Variants in ANKFN1 observed in about 807,000 individuals in gnomAD.
The protein encoded by ANKFN1 is ankyrin repeat and fibronectin type III domain containing 1, also known as ankyrin repeat and fibronectin type-III domain-containing protein 1.
In ANKFN1, 74 loss-of-function variants were observed where a neutral mutation model predicts 108.7. That is an observed-to-expected ratio of 0.68 (90% CI 0.56 to 0.83). The LOEUF (loss-of-function observed/expected upper bound fraction) is 0.83. ANKFN1 is among the 40% of genes least tolerant of loss of function. The pLI, the probability that ANKFN1 is intolerant of heterozygous loss-of-function variation, is 0.00. For synonymous variants in ANKFN1, 547 were observed against 516.2 expected (o/e 1.06, Z -0.81); for missense variants, 1,505 against 1,382.3 (o/e 1.09, Z -1.41).
At chr17:56,093,857 C>T (rs1471677043) in intron 4 of ANKFN1, among the ~76,000 whole-genome samples, 3 of 151,194 alleles carry the variant, frequency 2.0e-5, no homozygotes, top group Admixed American at 2.0e-4. Flanking sequence ...ATTGTGCGCC[C>T]CAACCATTAG....
rs188303880 is a variant in ANKFN1, at chr17:56,322,219, G to C, written c.54-4002G>C. Among the ~76,000 whole-genome samples, 5 of 152,112 alleles carry C rather than the reference G, an allele frequency of 3.3e-5. No homozygotes were observed. In the East Asian group the frequency reaches 9.7e-4, roughly 29 times the overall value. On this transcript the variant is annotated intron_variant, in intron 3 of 20. Transcript: ENST00000682825. ...GAATAAATTAATGTCATCATCATCCGCCATCATGTAGGCTAAAACTTTAAG... is the reference window on the plus strand; with the variant it reads ...GAATAAATTAATGTCATCATCATCCCCCATCATGTAGGCTAAAACTTTAAG...
At chr17:56,465,292 T>C (rs1281678264) in intron 14 of ANKFN1, among the ~76,000 whole-genome samples, 3 of 152,190 alleles carry the variant, frequency 2.0e-5, no homozygotes, top group African/African-American at 7.2e-5. Flanking sequence ...ATGTCAAAAA[T>C]TATTTATGAA....
chr17:56,236,355 C>T (rs939285653), intron 3 of ANKFN1, among the ~76,000 whole-genome samples: 1 of 152,106 alleles, frequency 6.6e-6, no homozygotes, highest in African/African-American at 2.4e-5. Flanking sequence ...CCGCGCCTGG[C>T]CCTGATTTCT....
intron 3 of ANKFN1, among the ~76,000 whole-genome samples, chr17:56,306,657 G>A (rs2044836721): frequency 6.6e-6 from 1 of 152,248 alleles, no homozygotes; most frequent in South Asian, 2.1e-4. Context: ...ACTGCCCAAG[G>A]TAATTTATAG....
chr17:56,253,687 C>T (rs1263742269), intron 3 of ANKFN1, among the ~76,000 whole-genome samples: 8 of 152,000 alleles, frequency 5.3e-5, no homozygotes, highest in Admixed American at 3.3e-4. Context: ...TGCAGTGAGC[C>T]GAGATCACCC....
chr17:56,104,661 A>C (rs1029987572), intron 4 of ANKFN1, among the ~76,000 whole-genome samples: 2 of 152,206 alleles, frequency 1.3e-5, no homozygotes, highest in East Asian at 1.9e-4. Context: ...GGTGATTTGC[A>C]TGACAAATAC....
intron 4 of ANKFN1, among the ~76,000 whole-genome samples, chr17:56,138,477 T>A (rs1045911911): frequency 1.3e-5 from 2 of 151,848 alleles, no homozygotes; most frequent in African/African-American, 4.8e-5. Flanking sequence ...AAATAACAGA[T>A]AGTAGGAAGA....
intron 4 of ANKFN1, among the ~76,000 whole-genome samples, chr17:56,083,081 G>A (rs897943613): frequency 6.6e-6 from 1 of 151,430 alleles, no homozygotes; most frequent in Non-Finnish European, 1.5e-5. Context: ...TTGGGTGAGT[G>A]ATAAGATTCT....
At chr17:56,304,532 T>A (rs2044762484) in intron 3 of ANKFN1, among the ~76,000 whole-genome samples, 1 of 152,236 alleles carries the variant, frequency 6.6e-6, no homozygotes, top group Non-Finnish European at 1.5e-5. Context: ...CTGGAATATA[T>A]GTTAATTACA....
At chr17:56,160,774 G>A (rs1909583538) in intron 1 of ANKFN1, among the ~76,000 whole-genome samples, 1 of 152,194 alleles carries the variant, frequency 6.6e-6, no homozygotes, top group Non-Finnish European at 1.5e-5. Context: ...TGAAATTCCA[G>A]TCTTGGTAGA....
At chr17:56,331,667 G>A (rs1226786834) in intron 4 of ANKFN1, among the ~76,000 whole-genome samples, 1 of 152,172 alleles carries the variant, frequency 6.6e-6, no homozygotes, top group African/African-American at 2.4e-5. Context: ...CCATTTACTG[G>A]CTGTAACATC....
At chr17:56,378,666 G>T (rs1213648945) in intron 8 of ANKFN1, among the ~76,000 whole-genome samples, 1 of 152,156 alleles carries the variant, frequency 6.6e-6, no homozygotes, top group Non-Finnish European at 1.5e-5. Flanking sequence ...GAGGTGGGGA[G>T]GAGGCCAAAG....
intron 3 of ANKFN1, among the ~76,000 whole-genome samples, chr17:56,319,712 A>C (rs2045309971): frequency 6.6e-6 from 1 of 152,180 alleles, no homozygotes; most frequent in East Asian, 1.9e-4. Flanking sequence ...TTTTAAAGAG[A>C]GTTAGGTGAA....
intron 3 of ANKFN1, among the ~76,000 whole-genome samples, chr17:56,230,371 A>G (rs1392081079): frequency 2.0e-5 from 3 of 152,090 alleles, no homozygotes; most frequent in Admixed American, 6.6e-5. Flanking sequence ...GAAGGAAGAC[A>G]TTTTCTCCTG....
At chr17:56,061,990 C>G (rs563814713) in intron 4 of ANKFN1, among the ~76,000 whole-genome samples, 1 of 152,150 alleles carries the variant, frequency 6.6e-6, no homozygotes, top group Non-Finnish European at 1.5e-5. Context: ...CATTATTTAC[C>G]CAGGAGTCAT....
intron 3 of ANKFN1, among the ~76,000 whole-genome samples, chr17:56,286,186 A>G (rs927877318): frequency 9.9e-5 from 15 of 152,114 alleles, no homozygotes; most frequent in Non-Finnish European, 1.9e-4. Flanking sequence ...AACATTACGA[A>G]TGGAAAGCTC....
At chr17:56,216,695 T>C (rs147375833) in intron 2 of ANKFN1, among the ~76,000 whole-genome samples, 7 of 152,342 alleles carry the variant, frequency 4.6e-5, no homozygotes, top group Non-Finnish European at 1.0e-4. Context: ...ATTTCTATTT[T>C]TTAAACAAGG....
intron 4 of ANKFN1, 91 bp from the exon 5 acceptor site, chr17:56,350,675 G>A (rs2046222687): frequency 8.3e-7 from 1 of 1,211,004 alleles, no homozygotes; most frequent in South Asian, 1.3e-5. Context: ...ATTGTATTTG[G>A]ATTCCAGATA....
At chr17:56,100,405 G>A (rs1905621766) in intron 4 of ANKFN1, among the ~76,000 whole-genome samples, 1 of 152,160 alleles carries the variant, frequency 6.6e-6, no homozygotes, top group Admixed American at 6.5e-5. Flanking sequence ...GTTGTGTTTG[G>A]AGACAATATT....
Sources: allele counts gnomAD v4.1 joint callset (sites outside exome capture counted in the v4.1 genomes callset), GRCh38; gene constraint gnomAD v4.1.1; transcripts MANE v1.5; gene names NCBI Gene and HGNC (gene_info 2026-07-23, HGNC 2026-07-21).